STON1: variants seen among roughly 807,000 people sequenced by gnomAD.
The protein encoded by STON1 is stonin 1.
In STON1, 79 loss-of-function variants were observed where a neutral mutation model predicts 60.9. The observed-to-expected ratio is 1.30, with a 90% CI of 1.08 to 1.56. The LOEUF (loss-of-function observed/expected upper bound fraction) is 1.56. STON1 is among the 40% of genes most tolerant of loss of function. The probability of loss-of-function intolerance (pLI) is 0.00; values close to 1 mark genes in which losing one functional copy is unlikely to be tolerated. For missense variants in STON1, 1,166 were observed against 858.9 expected (o/e 1.36, Z -4.47); for synonymous variants, 363 against 306.9 (o/e 1.18, Z -1.91).
chr2:48,581,304 G>A lies in STON1; in HGVS notation c.671G>A (p.Cys224Tyr). The A allele has an allele frequency of 6.6e-7, 1 of 1,524,538 alleles. No homozygotes were observed. The highest frequency in any genetic ancestry group is 8.8e-7 in the Non-Finnish European group (1 of 1,140,090). 94.4% of individuals were successfully genotyped at this position (1,524,538 alleles called of 1,614,324 possible). A position where few individuals can be genotyped will look rare whatever the true frequency, so the allele number is the denominator to read the frequency against. Residue 224 changes from cysteine (C) to tyrosine (Y), a missense_variant, in exon 2 of 4, where the codon TGT becomes TAT. Physicochemically the swap from Cys to Tyr is radical, Grantham distance 194. Coordinates refer to ENST00000404752, the MANE Select transcript of STON1 (RefSeq NM_006873.4). ...ATTGACCAAAAAAGCCTAAATAAGT[G>A]TTCACTCAACTATATCTGTGAGAAG... ...MPIDQKSLNK[C>Y]SLNYICEKLE...
At chr2:48,567,897 C>G (rs1673016017) in intron 1 of STON1, among the ~76,000 whole-genome samples, 1 of 143,574 alleles carries the variant, frequency 7.0e-6, no homozygotes, top group Non-Finnish European at 1.5e-5. Flanking sequence ...CTGCTAAAGT[C>G]TAGTTACAGT....
intron 2 of STON1, among the ~76,000 whole-genome samples, chr2:48,585,175 C>T (rs1408737956): frequency 6.6e-6 from 1 of 152,150 alleles, no homozygotes; most frequent in African/African-American, 2.4e-5. Context: ...ACATTCTGAT[C>T]AACTCTGCTG....
At chr2:48,536,080 C>CT (rs942742112) in intron 1 of STON1, among the ~76,000 whole-genome samples, 3 of 151,792 alleles carry the variant, frequency 2.0e-5, no homozygotes, top group Admixed American at 6.6e-5. Context: ...GAGCGACACT[C>CT]TGTCTCAAAA....
In STON1 at chr2:48,580,716, C is replaced by T; in HGVS notation, c.83C>T (p.Pro28Leu). 2 of 1,482,566 alleles carry T rather than the reference C, an allele frequency of 1.3e-6. No individual in the cohort carries two copies. Among genetic ancestry groups the T allele is most frequent in the Non-Finnish European group, 1.8e-6 (2 of 1,115,186 alleles). 91.8% of individuals were successfully genotyped at this position (1,482,566 alleles called of 1,614,324 possible). A position where few individuals can be genotyped will look rare whatever the true frequency, so the allele number is the denominator to read the frequency against. The change falls in exon 2 of 4, where the codon CCT becomes CTT. Residue 28 changes from proline (P) to leucine (L), a missense_variant. Transcript: ENST00000404752. ...TCTTCTCAAAAGTCAAAGAATTTTCCTCTGGAGAATCAAGGTGTCTGTAGA... is the reference window on the plus strand; with the variant it reads ...TCTTCTCAAAAGTCAAAGAATTTTCTTCTGGAGAATCAAGGTGTCTGTAGA... ...VQSSQKSKNF[P>L]LENQGVCRPN...
At chr2:48,587,316 G>A (rs535188801) in intron 2 of STON1, among the ~76,000 whole-genome samples, 1 of 151,676 alleles carries the variant, frequency 6.6e-6, no homozygotes, top group Non-Finnish European at 1.5e-5. Context: ...TTTATGAGAC[G>A]GAGTCTCGCT....
At chr2:48,535,517 C>T (rs1403743193) in intron 1 of STON1, among the ~76,000 whole-genome samples, 1 of 152,150 alleles carries the variant, frequency 6.6e-6, no homozygotes, top group East Asian at 1.9e-4. Flanking sequence ...ATTCTTAGAG[C>T]CCCTGGCCCA....
chr2:48,588,197 CT>C (rs1194200279), intron 2 of STON1, among the ~76,000 whole-genome samples: 1 of 152,194 alleles, frequency 6.6e-6, no homozygotes, highest in Non-Finnish European at 1.5e-5. Context: ...GCCAATGCAT[CT>C]GGCCCAAGGA....
intron 1 of STON1, among the ~76,000 whole-genome samples, chr2:48,550,316 G>A (rs1672045303): frequency 6.6e-6 from 1 of 151,908 alleles, no homozygotes; most frequent in African/African-American, 2.4e-5. Context: ...TGATCAACAT[G>A]GTGAAACCCT....
chr2:48,591,588 A>G (rs1449595370), intron 2 of STON1, 65 bp from the exon 3 acceptor site: 4 of 1,575,186 alleles, frequency 2.5e-6, no homozygotes, highest in Non-Finnish European at 2.6e-6. Context: ...AGTGCCTTTT[A>G]TGTTCAAGAG....
Position 48,583,419 on chromosome 2 carries a change from C to T in STON1, c.1930+856C>T, listed in dbSNP as rs545091173. Among the ~76,000 whole-genome samples, 9 of 152,228 alleles carry T rather than the reference C, an allele frequency of 5.9e-5. No individual in the cohort carries two copies. In the South Asian group the frequency reaches 1.7e-3, roughly 28 times the overall value. ...TGGTTGTTTTAGAATTAGGTGGACA[C>T]ACGTGAGTGTTAAAAATTCAGTTAA... On this transcript the variant is annotated intron_variant, in intron 2 of 3. Transcript: ENST00000404752.
intron 1 of STON1, among the ~76,000 whole-genome samples, chr2:48,553,956 G>T (rs1232740460): frequency 1.3e-5 from 2 of 152,234 alleles, no homozygotes; most frequent in Non-Finnish European, 2.9e-5. Flanking sequence ...GCAAATAGCT[G>T]TGGGGACTTC....
rs1558604275 is a variant in STON1 at position 48,564,455 on chromosome 2, CTTCTTCTTCTTCTTCTTCTTCTTCT to C, written c.-47-16105_-47-16081del. 3.9e-4 allele frequency among the ~76,000 whole-genome samples: 21 copies of C among 53,618 alleles called. 2 individuals carry two copies. Among genetic ancestry groups the C allele is most frequent in the African/African-American group, 1.3e-3 (19 of 14,206 alleles). 35.2% of individuals were successfully genotyped at this position (53,618 alleles called of 152,430 possible). ...TCTTCTTCTTCTTCTTCTTCTTCTTCTTCTTCTTCTTCTTCTTCTTCTTCTTTCTTCTTCTTCTTCTTCTTCTTCT... is the reference window on the plus strand; with the variant it reads ...TCTTCTTCTTCTTCTTCTTCTTCTTCTTCTTCTTCTTCTTCTTCTTCTTCT... On this transcript the variant is annotated intron_variant, in intron 1 of 3. Coordinates refer to ENST00000404752, the MANE Select transcript of STON1 (RefSeq NM_006873.4).
rs1419279204 is a variant in STON1 at position 48,595,324 on chromosome 2, A to G, written c.*22A>G. On this transcript the variant is annotated 3_prime_UTR_variant, in exon 4 of 4. Coordinates refer to ENST00000404752, the MANE Select transcript of STON1 (RefSeq NM_006873.4). ...GTAGGAGTAGCAAGAGTTTATGATG[A>G]CAGCCCACTTGTCAAATATGTAATT... 1 of 1,596,416 alleles carries G rather than the reference A, an allele frequency of 6.3e-7. No individual in the cohort carries two copies. Among genetic ancestry groups the G allele is most frequent in the African/African-American group, 1.3e-5 (1 of 74,634 alleles).
chr2:48,564,599 C>CCTCCTCCTCCTT lies in STON1; in HGVS notation c.-47-15983_-47-15982insCCTCCTTCTCCT, dbSNP rs1558606099. Among the ~76,000 whole-genome samples the CCTCCTCCTCCTT allele has an allele frequency of 9.8e-4, 43 of 43,878 alleles. 13 individuals are homozygous for CCTCCTCCTCCTT. Among genetic ancestry groups the CCTCCTCCTCCTT allele is most frequent in the Non-Finnish European group, 1.4e-3 (28 of 19,738 alleles). 28.8% of individuals were successfully genotyped at this position (43,878 alleles called of 152,430 possible). A position where few individuals can be genotyped will look rare whatever the true frequency, so the allele number is the denominator to read the frequency against. On this transcript the variant is annotated intron_variant, in intron 1 of 3. Transcript: ENST00000404752. The stretch of plus-strand genomic sequence containing the variant: ...TCCTTCTCCTCCTCCTCCTCCTCCT[C>CCTCCTCCTCCTT]CTCCTTCTCCTTCTCCTTCTCCTTC...
chr2:48,564,583 TCCTCCTCCTC>T (rs1672836427), intron 1 of STON1, among the ~76,000 whole-genome samples: 1 of 64,816 alleles, frequency 1.5e-5, no homozygotes, highest in Non-Finnish European at 3.6e-5. Flanking sequence ...CTCCTTCTCC[TCCTCCTCCTC>T]CTCCTCCTCC....
At chr2:48,582,789 G>T (rs942030421) in intron 2 of STON1, among the ~76,000 whole-genome samples, 1 of 152,090 alleles carries the variant, frequency 6.6e-6, no homozygotes, top group Non-Finnish European at 1.5e-5. Flanking sequence ...AATATCATAC[G>T]AAATACCATG....
At chr2:48,563,670 C>CA (rs1672701337) in intron 1 of STON1, among the ~76,000 whole-genome samples, 1 of 146,490 alleles carries the variant, frequency 6.8e-6, no homozygotes, top group Non-Finnish European at 1.5e-5. Flanking sequence ...CTCCACGTGG[C>CA]TTTTTTTGTT....
At chr2:48,564,569 C>CTTCTTCTTCTT (rs1558605682) in intron 1 of STON1, among the ~76,000 whole-genome samples, 1 of 36,496 alleles carries the variant, frequency 2.7e-5, no homozygotes. Context: ...TTCTTCTTCT[C>CTTCTTCTTCTT]CTTCTCCTTC....
At chr2:48,577,010 C>G (rs1053615648) in intron 1 of STON1, among the ~76,000 whole-genome samples, 2 of 150,432 alleles carry the variant, frequency 1.3e-5, no homozygotes, top group Non-Finnish European at 3.0e-5. Flanking sequence ...GCCAAGATCG[C>G]GCCACTGCAC....
Sources: gnomAD v4.1 joint callset for allele counts (sites outside exome capture counted in the v4.1 genomes callset) on GRCh38, gnomAD v4.1.1 for gene constraint, MANE v1.5 for transcripts, NCBI Gene and HGNC (gene_info 2026-07-23, HGNC 2026-07-21) for gene names.